Variants in PCSK5 observed in about 807,000 individuals in gnomAD.
The protein encoded by PCSK5 is proprotein convertase subtilisin/kexin type 5.
PCSK5 carries 129 observed loss-of-function variants against 233.2 expected under a neutral mutation model. The ratio of observed to expected loss-of-function variants is 0.55; its 90% CI spans 0.48 to 0.64. The LOEUF (loss-of-function observed/expected upper bound fraction) is 0.64, where lower values mean the gene tolerates loss of function less well. PCSK5 is among the 30% of genes least tolerant of loss of function. PCSK5 has a pLI of 0.00. For synonymous variants in PCSK5, 825 were observed against 879.2 expected (o/e 0.94, Z 1.09); for missense variants, 2,076 against 2,430.1 (o/e 0.85, Z 3.06).
At chr9:75,939,391 G>T (rs1389207528) in intron 2 of PCSK5, among the ~76,000 whole-genome samples, 3 of 152,152 alleles carry the variant, frequency 2.0e-5, no homozygotes, top group Non-Finnish European at 4.4e-5. Flanking sequence ...TTCTCTGAGA[G>T]ATCTAAGCTA....
intron 35 of PCSK5, among the ~76,000 whole-genome samples, chr9:76,344,827 C>A (rs1393502960): frequency 6.6e-6 from 1 of 152,124 alleles, no homozygotes; most frequent in Non-Finnish European, 1.5e-5. Flanking sequence ...GCACTTGGGT[C>A]CTAATTAACA....
intron 20 of PCSK5, among the ~76,000 whole-genome samples, chr9:76,224,687 G>C (rs192128385): frequency 6.6e-6 from 1 of 152,144 alleles, no homozygotes; most frequent in Admixed American, 6.5e-5. Context: ...ATCTTTTGGG[G>C]TCATTATATC....
chr9:76,089,030 A>G (rs1831179895), intron 7 of PCSK5, among the ~76,000 whole-genome samples: 1 of 151,710 alleles, frequency 6.6e-6, no homozygotes, highest in Non-Finnish European at 1.5e-5. Context: ...TATTTCGGAA[A>G]TGCTAGTCAG....
At chr9:75,960,976 ATTAG>A (rs1825329129) in intron 2 of PCSK5, among the ~76,000 whole-genome samples, 1 of 152,220 alleles carries the variant, frequency 6.6e-6, no homozygotes, top group Admixed American at 6.5e-5. Context: ...GATGTCCACA[ATTAG>A]TTAGAATGAA....
At chr9:76,046,802 C>T (rs1190380150) in intron 5 of PCSK5, among the ~76,000 whole-genome samples, 2 of 151,706 alleles carry the variant, frequency 1.3e-5, no homozygotes, top group African/African-American at 2.4e-5. Context: ...CTTCATGATC[C>T]GCCCGCCTCG....
intron 3 of PCSK5, among the ~76,000 whole-genome samples, chr9:75,987,679 G>A (rs1471796294): frequency 1.3e-5 from 2 of 152,216 alleles, no homozygotes; most frequent in Non-Finnish European, 2.9e-5. Flanking sequence ...ATAAAGCTAA[G>A]TTCAAGGGAA....
At chr9:76,318,308 G>T (rs1829089006) in intron 30 of PCSK5, among the ~76,000 whole-genome samples, 1 of 152,104 alleles carries the variant, frequency 6.6e-6, no homozygotes, top group Non-Finnish European at 1.5e-5. Flanking sequence ...ACACACCAGG[G>T]CCTGTCGGAG....
chr9:75,981,891 T>G (rs964574881), intron 2 of PCSK5, among the ~76,000 whole-genome samples: 1 of 152,168 alleles, frequency 6.6e-6, no homozygotes, highest in Admixed American at 6.5e-5. Context: ...GTTTTTTGAT[T>G]GTATGATAGT....
chr9:76,012,943 G>A (rs1827792409), intron 3 of PCSK5, among the ~76,000 whole-genome samples: 1 of 152,018 alleles, frequency 6.6e-6, no homozygotes, highest in South Asian at 2.1e-4. Flanking sequence ...ACAGGGCATG[G>A]CAAAAATCCT....
chr9:76,023,472 CT>C (rs1828285870), intron 3 of PCSK5, among the ~76,000 whole-genome samples: 1 of 152,030 alleles, frequency 6.6e-6, no homozygotes, highest in Admixed American at 6.6e-5. Flanking sequence ...CAAGACCAGC[CT>C]GGGCAACAAA....
chr9:76,096,822 A>G (rs1240672656), intron 8 of PCSK5, among the ~76,000 whole-genome samples: 5 of 152,062 alleles, frequency 3.3e-5, no homozygotes, highest in African/African-American at 7.2e-5. Context: ...GCTGGTCTCA[A>G]ACTCCTGACC....
rs771788459 is a variant in PCSK5 at position 76,362,162 on chromosome 9, G to A, written c.*3240G>A. ...GATGGCTTTTGAATACTATGCTAAT[G>A]ACTATCTAAATAGATAAATATGTGA... On this transcript the variant is annotated 3_prime_UTR_variant, in exon 38 of 38. Transcript: ENST00000674117. 1.3e-5 allele frequency: 2 copies of A among 152,278 alleles called. No homozygotes were observed. Among genetic ancestry groups the A allele is most frequent in the South Asian group, 2.1e-4 (1 of 4,822 alleles). The allele number at this position is 152,278 out of a possible 1,614,324, so 9.4% of individuals were successfully genotyped here. A position where few individuals can be genotyped will look rare whatever the true frequency, so the allele number is the denominator to read the frequency against.
intron 2 of PCSK5, among the ~76,000 whole-genome samples, chr9:75,971,092 C>G (rs915705951): frequency 6.6e-6 from 1 of 151,824 alleles, no homozygotes; most frequent in Non-Finnish European, 1.5e-5. Context: ...CTCCCACCCC[C>G]ACCCCCACGA....
chr9:75,962,465 G>A (rs971882358), intron 2 of PCSK5, among the ~76,000 whole-genome samples: 4 of 152,198 alleles, frequency 2.6e-5, no homozygotes, highest in Admixed American at 2.0e-4. Flanking sequence ...GATGTTGAGG[G>A]CTAGGAATGC....
At chr9:76,078,275 G>A (rs1830708148) in intron 7 of PCSK5, among the ~76,000 whole-genome samples, 1 of 152,132 alleles carries the variant, frequency 6.6e-6, no homozygotes, top group African/African-American at 2.4e-5. Context: ...AAGCTTTTTA[G>A]TTTAATTAGA....
chr9:76,079,742 C>T (rs1374831840), intron 7 of PCSK5, among the ~76,000 whole-genome samples: 5 of 152,104 alleles, frequency 3.3e-5, no homozygotes, highest in Admixed American at 6.5e-5. Context: ...TGTCTTGTTT[C>T]GGTTCTCAAG....
intron 4 of PCSK5, among the ~76,000 whole-genome samples, chr9:76,025,413 G>A (rs1438757921): frequency 6.6e-6 from 1 of 151,864 alleles, no homozygotes; most frequent in African/African-American, 2.4e-5. Context: ...GAGAGAGAGA[G>A]AGAGAGAGAC....
intron 9 of PCSK5, among the ~76,000 whole-genome samples, chr9:76,107,953 C>T (rs1832045869): frequency 6.6e-6 from 1 of 152,148 alleles, no homozygotes; most frequent in Non-Finnish European, 1.5e-5. Flanking sequence ...GTTTTGAAAA[C>T]CTAATAATAC....
At chr9:76,028,801 G>A (rs1828536658) in intron 5 of PCSK5, among the ~76,000 whole-genome samples, 1 of 152,136 alleles carries the variant, frequency 6.6e-6, no homozygotes, top group Non-Finnish European at 1.5e-5. Flanking sequence ...GCTATTATCA[G>A]TTTTGTTTCA....
Sources: allele counts gnomAD v4.1 joint callset (sites outside exome capture counted in the v4.1 genomes callset), GRCh38; gene constraint gnomAD v4.1.1; transcripts MANE v1.5; gene names NCBI Gene and HGNC (gene_info 2026-07-23, HGNC 2026-07-21).